The following INHBA variants were observed in gnomAD, a reference collection of about 807,000 sequenced individuals.
The protein encoded by INHBA is inhibin beta A chain.
Under a neutral mutation model 29.0 loss-of-function variants are expected in INHBA, and 1 was observed. The observed-to-expected ratio is 0.03, with a 90% CI of 0.01 to 0.16. The LOEUF (loss-of-function observed/expected upper bound fraction) is 0.16. Among genes scored for constraint, INHBA ranks in the 10% least tolerant of loss-of-function variants. The probability of loss-of-function intolerance (pLI) is 1.00; values close to 1 mark genes in which losing one functional copy is unlikely to be tolerated. For missense variants in INHBA, 376 were observed against 545.4 expected (o/e 0.69, Z 3.09); for synonymous variants, 242 against 216.8 (o/e 1.12, Z -1.02).
intron 2 of INHBA, among the ~76,000 whole-genome samples, chr7:41,696,372 A>T (rs1456152005): frequency 6.6e-6 from 1 of 152,206 alleles, no homozygotes; most frequent in Non-Finnish European, 1.5e-5. Context: ...TGCCTTCCAT[A>T]GAGCTCCGGA....
Position 41,700,385 on chromosome 7 carries a change from A to G in INHBA, c.-11T>C. On this transcript the variant is annotated 5_prime_UTR_variant, in exon 2 of 3. Coordinates refer to ENST00000242208, the MANE Select transcript of INHBA (RefSeq NM_002192.4). ...CCAAAGCAAGGGCATCCTGGCAGCA[A>G]AAGTTGTTGTGATTGCCTTTTTAAA... The G allele has an allele frequency of 6.9e-7, 1 of 1,441,016 alleles. No homozygotes were observed. The highest frequency in any genetic ancestry group is 9.1e-7 in the Non-Finnish European group (1 of 1,095,768). 89.3% of individuals were successfully genotyped at this position (1,441,016 alleles called of 1,614,324 possible).
intron 2 of INHBA, among the ~76,000 whole-genome samples, chr7:41,697,676 C>A (rs560821428): frequency 6.6e-6 from 1 of 152,276 alleles, no homozygotes; most frequent in South Asian, 2.1e-4. Flanking sequence ...TCTCCAAAAA[C>A]TCTTGACATT....
intron 2 of INHBA, chr7:41,692,136 T>C (rs1453485826): frequency 1.3e-5 from 2 of 152,216 alleles, no homozygotes; most frequent in South Asian, 2.1e-4. Context: ...AATTTTTTGA[T>C]TAATCAAATA....
intron 2 of INHBA, among the ~76,000 whole-genome samples, chr7:41,695,751 A>G (rs1224156643): frequency 2.0e-5 from 3 of 152,222 alleles, no homozygotes; most frequent in African/African-American, 7.2e-5. Flanking sequence ...GGTTTAACCC[A>G]CAAAATTTCA....
At position 41,693,723 on chromosome 7, in the gene INHBA, G is replaced by C. The variant is rs551077056; in HGVS notation, c.389-3181C>G. Among the ~76,000 whole-genome samples, 67 of 152,288 alleles carry C rather than the reference G, an allele frequency of 4.4e-4. 2 individuals carry two copies. Among genetic ancestry groups the C allele is most frequent in the Non-Finnish European group, 2.4e-4 (16 of 68,026 alleles). ...TCATCATAAAATGACTTTCATGCTGGTCTTGGCTGATAATTAACTGCATGG... is the reference window on the plus strand; with the variant it reads ...TCATCATAAAATGACTTTCATGCTGCTCTTGGCTGATAATTAACTGCATGG... On this transcript the variant is annotated intron_variant, in intron 2 of 2. Transcript: ENST00000242208.
intron 2 of INHBA, among the ~76,000 whole-genome samples, chr7:41,696,384 T>C (rs1794648958): frequency 6.6e-6 from 1 of 152,246 alleles, no homozygotes; most frequent in African/African-American, 2.4e-5. Context: ...AGCTCCGGAA[T>C]GTTCACATGT....
intron 2 of INHBA, among the ~76,000 whole-genome samples, chr7:41,694,518 G>C (rs539033847): frequency 6.6e-6 from 1 of 152,194 alleles, no homozygotes; most frequent in African/African-American, 2.4e-5. Flanking sequence ...ATAGTGCGCC[G>C]TGAGCAGGTT....
upstream of INHBA, among the ~76,000 whole-genome samples, chr7:41,704,611 AGTGTGTGT>A (rs60031309): frequency 0.011 from 1,143 of 101,276 alleles, 14 homozygotes; most frequent in African/African-American, 0.024. Context: ...CACACAAAGT[AGTGTGTGT>A]GTGTGTGTGT....
At position 41,700,081 on chromosome 7, in the gene INHBA, G is replaced by T. The variant is rs149702280; in HGVS notation, c.294C>A (p.Asn98Lys). ...TGTCATCCTCTATCTCCACATACCC[G>T]TTCTCCCCGACTTTGCCCACATGAA... is the stretch of plus-strand genomic sequence containing the variant. ...RKLHVGKVGE[N>K]GYVEIEDDIG... is the part of the protein sequence containing the mutation. The change falls in exon 2 of 3, where the codon AAC becomes AAA. Residue 98 changes from asparagine to lysine, a missense_variant. By Grantham distance (94) the Asn-to-Lys change is moderately conservative (BLOSUM62 0). Transcript: ENST00000242208. 6 of 1,613,660 alleles carry T rather than the reference G, an allele frequency of 3.7e-6. No individual in the cohort carries two copies. The Admixed American group carries it at 1.0e-4, about 27-fold the overall frequency.
intron 2 of INHBA, among the ~76,000 whole-genome samples, chr7:41,698,325 C>T (rs1326281372): frequency 3.9e-5 from 6 of 152,246 alleles, no homozygotes; most frequent in East Asian, 3.9e-4. Flanking sequence ...AGTCATATGA[C>T]ATGGTTAAAG....
chr7:41,696,482 T>C (rs1047873768), intron 2 of INHBA, among the ~76,000 whole-genome samples: 4 of 152,152 alleles, frequency 2.6e-5, no homozygotes, highest in African/African-American at 9.7e-5. Flanking sequence ...ATTCCTAACT[T>C]TTTCTGCAGG....
In INHBA at chr7:41,687,557, T is replaced by G. The variant is rs1794413554; in HGVS notation, c.*2093A>C. On this transcript the variant is annotated 3_prime_UTR_variant, in exon 3 of 3. Transcript: ENST00000242208. ...TTGATATTTATAAAACAAAGGTGTT[T>G]TTTTTTCATTTCTGCATCTGAATCA... The G allele has an allele frequency of 6.6e-6, 1 of 152,206 alleles. No homozygotes were observed. Among genetic ancestry groups the G allele is most frequent in the African/African-American group, 2.4e-5 (1 of 41,464 alleles). 9.4% of individuals were successfully genotyped at this position (152,206 alleles called of 1,614,324 possible).
rs3030163 is a variant in INHBA at position 41,700,841 on chromosome 7, A to AAGAGAGAGAGAGAGAGAG, written c.-143-342_-143-325dup. ...AGGGGGAGAGGGAGAGAGGGAAAGG[A>AAGAGAGAGAGAGAGAGAG]AGAGAGAGAGAGAGAGAGAGAGAGA... On this transcript the variant is annotated intron_variant, in intron 1 of 2. Coordinates refer to ENST00000242208, the MANE Select transcript of INHBA (RefSeq NM_002192.4). 9.0e-3 allele frequency among the ~76,000 whole-genome samples: 709 copies of AAGAGAGAGAGAGAGAGAG among 79,120 alleles called. 27 individuals carry two copies. The highest frequency in any genetic ancestry group is 0.013 in the South Asian group (22 of 1,668). The allele number at this position is 79,120 out of a possible 152,430, so 51.9% of individuals were successfully genotyped here. A position where few individuals can be genotyped will look rare whatever the true frequency, so the allele number is the denominator to read the frequency against.
Position 41,700,323 on chromosome 7 carries a change from C to G in INHBA, c.52G>C (p.Val18Leu). The G allele has an allele frequency of 6.5e-7, 1 of 1,528,366 alleles. No individual in the cohort carries two copies. The highest frequency in any genetic ancestry group is 8.8e-7 in the Non-Finnish European group (1 of 1,138,398). 94.7% of individuals were successfully genotyped at this position (1,528,366 alleles called of 1,614,324 possible). A position where few individuals can be genotyped will look rare whatever the true frequency, so the allele number is the denominator to read the frequency against. The change falls in exon 2 of 3, where the codon GTG becomes CTG. Residue 18 changes from valine (V) to leucine (L), a missense_variant. Transcript: ENST00000242208. The stretch of plus-strand genomic sequence containing the variant: ...GATCCTGGGGTGGGGGAACTCCTCA[C>G]TATAATCCAGCAACTTGCCAACAGA... ...GFLLASCWIIVRSSPTPGSEG... is the reference protein window; with the variant it reads ...GFLLASCWIILRSSPTPGSEG...
In INHBA at chr7:41,689,129, TGTG is replaced by T. The variant is rs1794443624; in HGVS notation, c.*518_*520del. The T allele has an allele frequency of 4.3e-6, 1 of 234,000 alleles. No individual in the cohort carries two copies. Among genetic ancestry groups the T allele is most frequent in the Non-Finnish European group, 8.4e-6 (1 of 118,702 alleles). 14.5% of individuals were successfully genotyped at this position (234,000 alleles called of 1,614,324 possible). Reference sequence around the variant, plus strand: ...GTGTGTGTGTGTGTGTGTGTGTGTGTGTGTGTGTATGCTGATATACACAGAGAT... The same window carrying T: ...GTGTGTGTGTGTGTGTGTGTGTGTGTTGTGTATGCTGATATACACAGAGAT... On this transcript the variant is annotated 3_prime_UTR_variant, in exon 3 of 3. Transcript: ENST00000242208.
At chr7:41,692,625 A>G (rs1205983688) in intron 2 of INHBA, 5 of 152,322 alleles carry the variant, frequency 3.3e-5, no homozygotes, top group Non-Finnish European at 5.9e-5. Flanking sequence ...TGGTAAGGGG[A>G]GTTCCTCTGA....
chr7:41,704,729 C>T (rs1171799385), upstream of INHBA, among the ~76,000 whole-genome samples: 3 of 151,182 alleles, frequency 2.0e-5, no homozygotes, highest in South Asian at 6.3e-4. Context: ...GCTCACTCAC[C>T]GTGTAAACTC....
At position 41,689,534 on chromosome 7, in the gene INHBA, T is replaced by TG. The variant is rs1794454074; in HGVS notation, c.*115dup. 1.2e-6 allele frequency: 1 copy of TG among 821,180 alleles called. No individual in the cohort carries two copies. Among genetic ancestry groups the TG allele is most frequent in the Admixed American group, 3.7e-5 (1 of 27,106 alleles). 50.9% of individuals were successfully genotyped at this position (821,180 alleles called of 1,614,324 possible). A position where few individuals can be genotyped will look rare whatever the true frequency, so the allele number is the denominator to read the frequency against. ...TTTTGTTTTTTTTTGTTTTTTTTTT[T>TG]GTTTTGTTTTTAATTTCTATTTTTC... On this transcript the variant is annotated 3_prime_UTR_variant, in exon 3 of 3. Coordinates refer to ENST00000242208, the MANE Select transcript of INHBA (RefSeq NM_002192.4).
At position 41,700,268 on chromosome 7, in the gene INHBA, G is replaced by T; in HGVS notation, c.107C>A (p.Pro36Gln). 2 of 1,606,058 alleles carry T rather than the reference G, an allele frequency of 1.2e-6. No individual in the cohort carries two copies. Among genetic ancestry groups the T allele is most frequent in the South Asian group, 1.1e-5 (1 of 90,214 alleles). The change falls in exon 2 of 3, where the codon CCG becomes CAG. Residue 36 changes from proline to glutamine, a missense_variant. By Grantham distance (76) the Pro-to-Gln change is moderately conservative. Transcript: ENST00000242208. Reference protein sequence around the residue: ...SEGHSAAPDCPSCALAALPKD... With the variant: ...SEGHSAAPDCQSCALAALPKD... ...TGGGAGGGCGGCCAGCGCACAGGAC[G>T]GACAGTCGGGGGCCGCGCTGTGCCC...
Sources: allele counts gnomAD v4.1 joint callset (sites outside exome capture counted in the v4.1 genomes callset), GRCh38; gene constraint gnomAD v4.1.1; transcripts MANE v1.5; gene names NCBI Gene and HGNC (gene_info 2026-07-23, HGNC 2026-07-21).